CDH13: variants seen among roughly 807,000 people sequenced by gnomAD.
CDH13 encodes cadherin-13.
A neutral mutation model predicts 63.8 loss-of-function variants in CDH13; 24 were observed. The ratio of observed to expected loss-of-function variants is 0.38; its 90% CI spans 0.27 to 0.53. The LOEUF (loss-of-function observed/expected upper bound fraction) is 0.53, where lower values mean the gene tolerates loss of function less well. Among genes scored for constraint, CDH13 ranks in the 20% least tolerant of loss-of-function variants. CDH13 has a pLI of 0.85. For missense variants in CDH13, 1,049 were observed against 903.1 expected, an observed-to-expected ratio of 1.16 and a Z score of -2.07; for synonymous variants, 503 against 355.3, an observed-to-expected ratio of 1.42 and a Z score of -4.67.
At chr16:83,579,874 G>A (rs1009454841) in intron 7 of CDH13, among the ~76,000 whole-genome samples, 69 of 152,106 alleles carry the variant, frequency 4.5e-4, no homozygotes, top group African/African-American at 1.5e-3. Flanking sequence ...GACAAATTAG[G>A]GCAGGCTTCA....
At chr16:82,639,613 T>G (rs1284611132) in intron 1 of CDH13, 8 of 615,160 alleles carry the variant, frequency 1.3e-5, no homozygotes, top group Non-Finnish European at 2.3e-5. Context: ...ATATACAGTC[T>G]GTAGCTATAT....
chr16:83,765,337 GA>G (rs11285841), intron 11 of CDH13, among the ~76,000 whole-genome samples: 122,541 of 151,798 alleles, frequency 0.81, 49,438 homozygotes, highest in African/African-American at 0.83. Flanking sequence ...CAGTGGAATG[GA>G]AAAAAAAACC....
chr16:83,455,855 G>A (rs979019981), intron 6 of CDH13, among the ~76,000 whole-genome samples: 2 of 152,214 alleles, frequency 1.3e-5, no homozygotes, highest in African/African-American at 4.8e-5. Context: ...GTGCTAGCTG[G>A]AAACAAATCA....
chr16:83,583,894 A>G (rs1905880393), intron 7 of CDH13, among the ~76,000 whole-genome samples: 1 of 151,240 alleles, frequency 6.6e-6, no homozygotes, highest in Non-Finnish European at 1.5e-5. Context: ...TCCAGCCTGG[A>G]TGACAGAGCA....
At chr16:82,772,050 C>T (rs1211481445) in intron 1 of CDH13, among the ~76,000 whole-genome samples, 2 of 152,170 alleles carry the variant, frequency 1.3e-5, no homozygotes, top group African/African-American at 2.4e-5. Flanking sequence ...CTAGATGCAG[C>T]CTTTTGGAAA....
rs200452927 is a variant in CDH13 at position 83,377,075 on chromosome 16, A to G, written c.781+32069A>G. ...AGCTATATCAGAATTAGACTCTCCA[A>G]CCCTGGCTGACCTCATGAGAATCTG... On this transcript the variant is annotated intron_variant, in intron 6 of 13. Transcript: ENST00000567109. 7.9e-5 allele frequency among the ~76,000 whole-genome samples: 12 copies of G among 152,094 alleles called. No individual in the cohort carries two copies. In the East Asian group the frequency reaches 2.1e-3, roughly 27 times the overall value.
intron 8 of CDH13, among the ~76,000 whole-genome samples, chr16:83,652,569 TGTACCCCCTC>T (rs1262315967): frequency 6.6e-6 from 1 of 151,378 alleles, no homozygotes; most frequent in African/African-American, 2.5e-5. Context: ...AGGCTCTCAT[TGTACCCCCTC>T]TTTACTGGCC....
chr16:83,648,870 CT>C (rs1912090419), intron 8 of CDH13, among the ~76,000 whole-genome samples: 1 of 151,864 alleles, frequency 6.6e-6, no homozygotes, highest in South Asian at 2.1e-4. Flanking sequence ...CTTTTCCTAA[CT>C]TTTTTGCATA....
chr16:83,228,722 C>A (rs1459586343), intron 5 of CDH13, among the ~76,000 whole-genome samples: 1 of 152,164 alleles, frequency 6.6e-6, no homozygotes, highest in Non-Finnish European at 1.5e-5. Flanking sequence ...GGGGCCATGG[C>A]AGGGCTTGAC....
chr16:82,853,981 T>C (rs12102311), intron 1 of CDH13, among the ~76,000 whole-genome samples: 434 of 152,352 alleles, frequency 2.8e-3, no homozygotes, highest in African/African-American at 0.01. Context: ...TTCTAATTCT[T>C]ACAGCAATGA....
chr16:83,419,989 G>T (rs1567660143), intron 6 of CDH13, among the ~76,000 whole-genome samples: 1 of 151,658 alleles, frequency 6.6e-6, no homozygotes, highest in Non-Finnish European at 1.5e-5. Flanking sequence ...TAGCTTGAGA[G>T]AACTGATTAA....
At position 83,388,555 on chromosome 16, in the gene CDH13, T is replaced by G. The variant is rs144549662; in HGVS notation, c.781+43549T>G. On this transcript the variant is annotated intron_variant, in intron 6 of 13. Coordinates refer to ENST00000567109, the MANE Select transcript of CDH13 (RefSeq NM_001257.5). The stretch of plus-strand genomic sequence containing the variant: ...CAGGAGCTGAGGAGCAGCTGCCTGT[T>G]TGGATCATGGCAGCTACAGTCCTCA... Among the ~76,000 whole-genome samples, 748 of 152,232 alleles carry G rather than the reference T, an allele frequency of 4.9e-3. 4 individuals carry two copies. The highest frequency in any genetic ancestry group is 8.4e-3 in the Non-Finnish European group (573 of 68,012).
chr16:83,048,637 G>C (rs1013509295), intron 3 of CDH13, among the ~76,000 whole-genome samples: 2 of 152,052 alleles, frequency 1.3e-5, no homozygotes, highest in Non-Finnish European at 2.9e-5. Context: ...CCATCTCTGA[G>C]TACCCCTAAC....
chr16:83,134,896 C>A (rs1489522296), intron 4 of CDH13, among the ~76,000 whole-genome samples: 1 of 152,188 alleles, frequency 6.6e-6, no homozygotes, highest in South Asian at 2.1e-4. Flanking sequence ...AAGGAGGAAG[C>A]AATATTTTTA....
At chr16:83,140,001 TATAA>T (rs2036460702) in intron 4 of CDH13, among the ~76,000 whole-genome samples, 1 of 152,154 alleles carries the variant, frequency 6.6e-6, no homozygotes, top group Non-Finnish European at 1.5e-5. Flanking sequence ...AAACTCCATC[TATAA>T]ATAAATAAAT....
chr16:83,417,734 C>G lies in CDH13; in HGVS notation c.782-68743C>G, dbSNP rs143038038. 3.5e-3 allele frequency among the ~76,000 whole-genome samples: 537 copies of G among 152,268 alleles called. 6 individuals carry two copies. The highest frequency in any genetic ancestry group is 0.012 in the African/African-American group (515 of 41,558). ...GCAGACAGGCTGTAGAGATAGAATT[C>G]AAGGCTCAGCAGACATGTATCTCCT... On this transcript the variant is annotated intron_variant, in intron 6 of 13. Coordinates refer to ENST00000567109, the MANE Select transcript of CDH13 (RefSeq NM_001257.5).
In CDH13 at chr16:83,748,115, G is replaced by A; in HGVS notation, c.1546G>A (p.Val516Ile). The A allele has an allele frequency of 2.5e-6, 4 of 1,613,826 alleles. No individual in the cohort carries two copies. Among genetic ancestry groups the A allele is most frequent in the South Asian group, 2.2e-5 (2 of 91,066 alleles). Residue 516 changes from valine to isoleucine, a missense_variant, in exon 11 of 14, where the codon GTT (valine) becomes ATT (isoleucine). By Grantham distance (29) the Val-to-Ile change is conservative. Transcript: ENST00000567109. ...TGTGGGGATTTTTTTCAGGTATTCT[G>A]TTTACAAGGACCCAGCAGGTTGGCT... ...SLQHQTIRYSVYKDPAGWLNI... is the reference protein window; with the variant it reads ...SLQHQTIRYSIYKDPAGWLNI...
At chr16:82,640,856 T>C (rs1174265890) in intron 1 of CDH13, among the ~76,000 whole-genome samples, 1 of 152,242 alleles carries the variant, frequency 6.6e-6, no homozygotes, top group African/African-American at 2.4e-5. Flanking sequence ...TTTAGCTTTG[T>C]AATATTTATC....
At chr16:83,048,022 A>T (rs1268128533) in intron 3 of CDH13, among the ~76,000 whole-genome samples, 1 of 152,190 alleles carries the variant, frequency 6.6e-6, no homozygotes, top group East Asian at 1.9e-4. Flanking sequence ...ACAATAGAAA[A>T]ATATGAACTG....
Sources: allele counts gnomAD v4.1 joint callset (sites outside exome capture counted in the v4.1 genomes callset), GRCh38; gene constraint gnomAD v4.1.1; transcripts MANE v1.5; gene names NCBI Gene and HGNC (gene_info 2026-07-23, HGNC 2026-07-21).